Variants in ANKRA2 observed in about 807,000 individuals in gnomAD.
The protein encoded by ANKRA2 is ankyrin repeat family A member 2, also known as ankyrin repeat family A protein 2.
A neutral mutation model predicts 37.8 loss-of-function variants in ANKRA2; 33 were observed. That is an observed-to-expected ratio of 0.87 (90% CI 0.66 to 1.17). ANKRA2 has a LOEUF of 1.17. Among genes scored for constraint, ANKRA2 ranks in the 50% most tolerant of loss-of-function variants. The probability of loss-of-function intolerance (pLI) is 0.00; values close to 1 mark genes in which losing one functional copy is unlikely to be tolerated. For synonymous variants in ANKRA2, 126 were observed against 132.3 expected (o/e 0.95, Z 0.33); for missense variants, 326 against 373.7 (o/e 0.87, Z 1.05).
chr5:73,552,841 T>TAA lies in ANKRA2; in HGVS notation c.896_897dup (p.Ile300LeufsTer7). Reference sequence around the variant, plus strand: ...AGCAGCTTCAACAAATGTGACTCAATAACCTGTTGAACTAGAACAGATAGG... The same window carrying TAA: ...AGCAGCTTCAACAAATGTGACTCAATAAAACCTGTTGAACTAGAACAGATAGG... On this transcript the variant is annotated frameshift_variant, in exon 9 of 9. Coordinates refer to ENST00000296785, the MANE Select transcript of ANKRA2 (RefSeq NM_023039.5). LOFTEE classifies it high-confidence loss of function. The TAA allele has an allele frequency of 1.2e-6, 2 of 1,605,418 alleles. No homozygotes were observed. The highest frequency in any genetic ancestry group is 2.7e-5 in the African/African-American group (2 of 74,800).
chr5:73,553,618 A>T lies in ANKRA2; in HGVS notation c.806-132T>A, dbSNP rs1747309022. 9.8e-6 allele frequency: 7 copies of T among 714,842 alleles called. No homozygotes were observed. The South Asian group carries it at 1.0e-4, about 11-fold the overall frequency. 44.3% of individuals were successfully genotyped at this position (714,842 alleles called of 1,614,324 possible). A position where few individuals can be genotyped will look rare whatever the true frequency, so the allele number is the denominator to read the frequency against. Reference sequence around the variant, plus strand: ...GTTTTAGGATAGTCTGACAAAGTACAGAGTGCATGGGGTACTTAGAATTTA... The same window carrying T: ...GTTTTAGGATAGTCTGACAAAGTACTGAGTGCATGGGGTACTTAGAATTTA... On this transcript the variant is annotated intron_variant, in intron 7 of 8. Coordinates refer to ENST00000296785, the MANE Select transcript of ANKRA2 (RefSeq NM_023039.5).
Position 73,554,925 on chromosome 5 carries a change from T to C in ANKRA2, c.674A>G (p.Lys225Arg). ...RESALSLACSKGYTDIVKMLL... is the reference protein window; with the variant it reads ...RESALSLACSRGYTDIVKMLL... The stretch of plus-strand genomic sequence containing the variant: ...CATTTTGACAATATCTGTGTAGCCT[T>C]TACTACAGGCCAACGACAGTGCACT... Residue 225 changes from lysine (K) to arginine (R), a missense_variant, in exon 6 of 9, where the codon AAA (lysine) becomes AGA (arginine). By Grantham distance (26) the Lys-to-Arg change is conservative. Transcript: ENST00000296785. The C allele has an allele frequency of 4.3e-6, 7 of 1,613,888 alleles. No homozygotes were observed. Among genetic ancestry groups the C allele is most frequent in the Non-Finnish European group, 4.2e-6 (5 of 1,179,782 alleles).
intron 4 of ANKRA2, 78 bp from the exon 5 acceptor site, chr5:73,555,663 A>C (rs1580376805): frequency 7.8e-7 from 1 of 1,274,382 alleles, no homozygotes; most frequent in East Asian, 2.5e-5. Context: ...CTGGCATTCC[A>C]AAGAGCTGAT....
intron 4 of ANKRA2, 30 bp from the exon 5 acceptor site, chr5:73,555,615 C>G (rs370935306): frequency 6.4e-7 from 1 of 1,572,540 alleles, no homozygotes; most frequent in Non-Finnish European, 8.7e-7. Context: ...TTTTTGTGAT[C>G]TAATTTAACA....
At chr5:73,558,817 G>A (rs1747469486) in intron 3 of ANKRA2, among the ~76,000 whole-genome samples, 2 of 152,214 alleles carry the variant, frequency 1.3e-5, no homozygotes, top group Admixed American at 6.5e-5. Context: ...ATAGGCATGA[G>A]CCACTGCGCC....
At position 73,561,237 on chromosome 5, in the gene ANKRA2, A is replaced by G. The variant is rs1747544071; in HGVS notation, c.341T>C (p.Val114Ala). Residue 114 changes from valine (V) to alanine (A), a missense_variant, in exon 3 of 9, where the codon GTC (valine) becomes GCC (alanine). Coordinates refer to ENST00000296785, the MANE Select transcript of ANKRA2 (RefSeq NM_023039.5). ...ATGCTTTGTTGTAGAGGGGGTGTAG[A>G]CATGCCTTACTTGAATTCCCGGAGA... Reference protein sequence around the residue: ...SPSPGIQVRHVYTPSTTKHFS... With the variant: ...SPSPGIQVRHAYTPSTTKHFS... The G allele has an allele frequency of 6.2e-7, 1 of 1,613,422 alleles. No homozygotes were observed. The highest frequency in any genetic ancestry group is 8.5e-7 in the Non-Finnish European group (1 of 1,179,468).
rs1346962485 is a variant in ANKRA2 at position 73,562,932 on chromosome 5, T to C, written c.-51A>G. On this transcript the variant is annotated 5_prime_UTR_variant, in exon 2 of 9. Transcript: ENST00000296785. ...AAAACATTTCTTCATGATTTCCTCT[T>C]GGTTTTGTAAGAGCAGTATCCAGTG... 6.6e-7 allele frequency: 1 copy of C among 1,519,606 alleles called. No homozygotes were observed. Among genetic ancestry groups the C allele is most frequent in the Non-Finnish European group, 8.9e-7 (1 of 1,127,824 alleles). The allele number at this position is 1,519,606 out of a possible 1,614,324, so 94.1% of individuals were successfully genotyped here. A position where few individuals can be genotyped will look rare whatever the true frequency, so the allele number is the denominator to read the frequency against.
chr5:73,553,550 G>T, intron 7 of ANKRA2, 64 bp from the exon 8 acceptor site: 1 of 1,350,182 alleles, frequency 7.4e-7, no homozygotes, highest in Non-Finnish European at 1.1e-6. Flanking sequence ...TCTGTTATTG[G>T]CTCATGTACA....
Position 73,557,947 on chromosome 5 carries a change from T to C in ANKRA2, c.449-307A>G, listed in dbSNP as rs543812141. On this transcript the variant is annotated intron_variant, in intron 3 of 8. Transcript: ENST00000296785. ...CAAAAATTAGCTGGGCATGGTGGCA[T>C]GTGCCTGTAATCCCAGCTACTTGGG... Among the ~76,000 whole-genome samples, 6 of 151,986 alleles carry C rather than the reference T, an allele frequency of 3.9e-5. No homozygotes were observed. The East Asian group carries it at 1.2e-3, about 30-fold the overall frequency.
chr5:73,554,416 T>C, intron 6 of ANKRA2, 28 bp from the exon 7 acceptor site: 2 of 1,530,086 alleles, frequency 1.3e-6, no homozygotes, highest in Non-Finnish European at 1.8e-6. Context: ...GATTCAGAGT[T>C]TTTCACGGTG....
chr5:73,557,796 G>C (rs1045754807), intron 3 of ANKRA2, among the ~76,000 whole-genome samples, 156 bp from the exon 4 acceptor site: 1 of 152,118 alleles, frequency 6.6e-6, no homozygotes, highest in African/African-American at 2.4e-5. Context: ...TAAAATTAAG[G>C]CTGGGCGCAG....
chr5:73,552,946 A>G, intron 8 of ANKRA2, 94 bp from the exon 9 acceptor site: 1 of 1,112,392 alleles, frequency 9.0e-7, no homozygotes, highest in Non-Finnish European at 1.3e-6. Context: ...TTTTCCTAAA[A>G]TAAAGTTATT....
Position 73,562,899 on chromosome 5 carries a change from C to T in ANKRA2, c.-18G>A. On this transcript the variant is annotated 5_prime_UTR_variant, in exon 2 of 9. An upstream open reading frame in the 5' UTR loses its in-frame stop. Coordinates refer to ENST00000296785, the MANE Select transcript of ANKRA2 (RefSeq NM_023039.5). ...GTATCCATGATTTCAACTGTAGTTT[C>T]AATAACTAAAACATTTCTTCATGAT... 6.4e-7 allele frequency: 1 copy of T among 1,574,198 alleles called. No individual in the cohort carries two copies. Among genetic ancestry groups the T allele is most frequent in the South Asian group, 1.2e-5 (1 of 85,744 alleles).
At chr5:73,563,098 A>G (rs558134515) in intron 1 of ANKRA2, 113 bp from the exon 2 acceptor site, 1 of 391,958 alleles carries the variant, frequency 2.6e-6, no homozygotes, top group Admixed American at 4.2e-5. Flanking sequence ...ACCTACACAT[A>G]ATAGAAAGAA....
In ANKRA2 at chr5:73,555,430, TAC is replaced by T. The variant is rs1747372238; in HGVS notation, c.612+56_612+57del. ...TAGCTGGCTGGATATATAAAAACTC[TAC>T]TAAAGACTTAACTTAAGTAACTATA... On this transcript the variant is annotated intron_variant, in intron 5 of 8. Transcript: ENST00000296785. The T allele has an allele frequency of 1.0e-5, 16 of 1,600,636 alleles. No homozygotes were observed. The South Asian group carries it at 1.7e-4, about 17-fold the overall frequency.
chr5:73,555,415 G>T (rs1340451055), intron 5 of ANKRA2, 73 bp downstream of exon 5: 2 of 1,578,174 alleles, frequency 1.3e-6, no homozygotes, highest in African/African-American at 2.7e-5. Flanking sequence ...TAGCTGGCTG[G>T]ATATATAAAA....
chr5:73,554,480 A>G, intron 6 of ANKRA2, 92 bp from the exon 7 acceptor site: 1 of 819,644 alleles, frequency 1.2e-6, no homozygotes, highest in Non-Finnish European at 2.0e-6. Flanking sequence ...AGAATTAGAC[A>G]TATAATCATT....
At chr5:73,556,946 C>A (rs1747411542) in intron 4 of ANKRA2, among the ~76,000 whole-genome samples, 5 of 150,060 alleles carry the variant, frequency 3.3e-5, no homozygotes. Context: ...TGAGGACACA[C>A]ATCTGGTTAT....
rs1278895356 is a variant in ANKRA2, at chr5:73,565,203, AAG to A, written c.-178_-177del. 6.6e-6 allele frequency: 1 copy of A among 152,012 alleles called. No individual in the cohort carries two copies. Among genetic ancestry groups the A allele is most frequent in the Non-Finnish European group, 1.5e-5 (1 of 68,022 alleles). The allele number at this position is 152,012 out of a possible 1,614,324, so 9.4% of individuals were successfully genotyped here. On this transcript the variant is annotated 5_prime_UTR_variant, in exon 1 of 9. An upstream open reading frame in the 5' UTR loses its in-frame stop. Transcript: ENST00000296785. ...CGCTGGAGGGGAGACTCTTGCAGGA[AAG>A]AAAGTCCGTTCTGTCGCCACCGGCC...
Sources: gnomAD v4.1 joint callset for allele counts (sites outside exome capture counted in the v4.1 genomes callset) on GRCh38, gnomAD v4.1.1 for gene constraint, MANE v1.5 for transcripts, NCBI Gene and HGNC (gene_info 2026-07-23, HGNC 2026-07-21) for gene names.